UMAD1: variants seen among roughly 807,000 people sequenced by gnomAD.
UMAD1 encodes the protein UBAP1-MVB12-associated (UMA)-domain containing protein 1.
UMAD1 carries 8 observed loss-of-function variants against 6.1 expected under a neutral mutation model. The observed-to-expected ratio is 1.30, with a 90% CI of 0.76 to 2.35. UMAD1 has a LOEUF of 2.35. Among genes scored for constraint, UMAD1 ranks in the 30% most tolerant of loss-of-function variants. The pLI is 0.00. For synonymous variants in UMAD1, 56 were observed against 31.4 expected, an observed-to-expected ratio of 1.78 and a Z score of -2.61; for missense variants, 130 against 78.4, an observed-to-expected ratio of 1.66 and a Z score of -2.49.
intron 2 of UMAD1, among the ~76,000 whole-genome samples, chr7:7,729,622 C>G (rs929621963): frequency 2.6e-5 from 4 of 152,114 alleles, no homozygotes; most frequent in Non-Finnish European, 5.9e-5. Flanking sequence ...TTCATAGAGC[C>G]CTTTGACTTG....
At position 7,877,558 on chromosome 7, in the gene UMAD1, C is replaced by G. The variant is rs1421362515; in HGVS notation, c.*20C>G. ...TCATAACCTTTATGTCTGTTTGCAC[C>G]TTAACAGCTTTAAAATATGTTCGCC... On this transcript the variant is annotated 3_prime_UTR_variant, in exon 4 of 4. Transcript: ENST00000682710. The G allele has an allele frequency of 1.5e-5, 11 of 713,478 alleles. No homozygotes were observed. The highest frequency in any genetic ancestry group is 2.9e-5 in the Non-Finnish European group (11 of 383,098). The allele number at this position is 713,478 out of a possible 1,614,324, so 44.2% of individuals were successfully genotyped here. A position where few individuals can be genotyped will look rare whatever the true frequency, so the allele number is the denominator to read the frequency against.
At chr7:7,862,446 T>G (rs1784132952) in intron 3 of UMAD1, among the ~76,000 whole-genome samples, 1 of 152,180 alleles carries the variant, frequency 6.6e-6, no homozygotes, top group South Asian at 2.1e-4. Context: ...TGCATTACAT[T>G]CTGAAGAAGT....
At chr7:7,756,105 G>T (rs1178601903) in intron 2 of UMAD1, among the ~76,000 whole-genome samples, 1 of 152,190 alleles carries the variant, frequency 6.6e-6, no homozygotes, top group Non-Finnish European at 1.5e-5. Flanking sequence ...AGTGATATCA[G>T]AGTAAATGCT....
At chr7:7,721,517 T>C (rs1781049269) in intron 2 of UMAD1, among the ~76,000 whole-genome samples, 1 of 152,180 alleles carries the variant, frequency 6.6e-6, no homozygotes, top group Admixed American at 6.5e-5. Context: ...TTTGAATAAG[T>C]AGTAAATGGT....
chr7:7,651,416 C>G (rs28916279), intron 1 of UMAD1, among the ~76,000 whole-genome samples: 2,940 of 152,302 alleles, frequency 0.019, 29 homozygotes, highest in Non-Finnish European at 0.028. Flanking sequence ...ACAGGAATGC[C>G]TGTTCCCATT....
At chr7:7,669,201 A>C (rs1403028120) in intron 1 of UMAD1, among the ~76,000 whole-genome samples, 1 of 152,104 alleles carries the variant, frequency 6.6e-6, no homozygotes, top group African/African-American at 2.4e-5. Context: ...TCAGGTGTCT[A>C]CTTGGGATCT....
At position 7,677,193 on chromosome 7, in the gene UMAD1, A is replaced by G. The variant is rs182162584; in HGVS notation, c.82+3740A>G. Among the ~76,000 whole-genome samples the G allele has an allele frequency of 1.3e-4, 20 of 152,290 alleles. No individual in the cohort carries two copies. In the East Asian group the frequency reaches 2.9e-3, roughly 22 times the overall value. On this transcript the variant is annotated intron_variant, in intron 2 of 3. Transcript: ENST00000682710. ...CACAGGCATATAATGTGTAGTGATC[A>G]AATCAGGGTAATTAGGATATCTATC...
At chr7:7,645,713 A>ATT (rs1785078793) in intron 1 of UMAD1, among the ~76,000 whole-genome samples, 1 of 151,652 alleles carries the variant, frequency 6.6e-6, no homozygotes, top group Non-Finnish European at 1.5e-5. Context: ...ATGAGTATGT[A>ATT]TTTTTCAGTG....
intron 2 of UMAD1, among the ~76,000 whole-genome samples, chr7:7,680,901 A>AT (rs1261090011): frequency 6.6e-6 from 1 of 152,108 alleles, no homozygotes; most frequent in Non-Finnish European, 1.5e-5. Flanking sequence ...TGTATGCCGT[A>AT]ACCTTACTGA....
At chr7:7,784,856 G>A (rs1433129001) in intron 2 of UMAD1, among the ~76,000 whole-genome samples, 2 of 148,526 alleles carry the variant, frequency 1.3e-5, no homozygotes, top group Non-Finnish European at 1.5e-5. Flanking sequence ...CCGCCCCCTG[G>A]GGTTCACGCC....
chr7:7,676,785 A>G (rs1206477513), intron 2 of UMAD1, among the ~76,000 whole-genome samples: 1 of 152,178 alleles, frequency 6.6e-6, no homozygotes, highest in Non-Finnish European at 1.5e-5. Flanking sequence ...TAGTGAAAAC[A>G]TCCTTCAGTG....
At chr7:7,778,261 T>TGA (rs1486390257) in intron 2 of UMAD1, among the ~76,000 whole-genome samples, 40 of 140,710 alleles carry the variant, frequency 2.8e-4, no homozygotes, top group African/African-American at 9.7e-4. Context: ...TGTGTGTGTG[T>TGA]GTGTGTGTGT....
At chr7:7,747,052 T>C (rs1285418573) in intron 2 of UMAD1, among the ~76,000 whole-genome samples, 1 of 152,164 alleles carries the variant, frequency 6.6e-6, no homozygotes, top group African/African-American at 2.4e-5. Flanking sequence ...GCACTTCATA[T>C]ATCTAATTAG....
At chr7:7,674,162 G>T (rs930199657) in intron 2 of UMAD1, among the ~76,000 whole-genome samples, 2 of 152,130 alleles carry the variant, frequency 1.3e-5, no homozygotes, top group Non-Finnish European at 2.9e-5. Context: ...CCTTTTCCAT[G>T]CTGGACCTCC....
intron 3 of UMAD1, among the ~76,000 whole-genome samples, chr7:7,813,600 A>AT: frequency 4.4e-5 from 2 of 45,344 alleles, no homozygotes; most frequent in Middle Eastern, 0.043. Flanking sequence ...TACCATTTAC[A>AT]TTAAAAAAAA....
intron 3 of UMAD1, among the ~76,000 whole-genome samples, chr7:7,859,721 A>G (rs935701967): frequency 2.6e-5 from 4 of 152,206 alleles, no homozygotes; most frequent in Non-Finnish European, 5.9e-5. Context: ...ATTAATTTTC[A>G]ACTTGACGTA....
chr7:7,676,192 C>T (rs189438411), intron 2 of UMAD1: 6 of 398,676 alleles, frequency 1.5e-5, no homozygotes, highest in East Asian at 3.6e-5. Context: ...CCACGACTTA[C>T]TCTCTACCCT....
intron 3 of UMAD1, among the ~76,000 whole-genome samples, chr7:7,851,682 C>A (rs1783920950): frequency 6.6e-6 from 1 of 152,088 alleles, no homozygotes; most frequent in Admixed American, 6.5e-5. Flanking sequence ...TTTTGTATAT[C>A]TGCTTTGGAG....
chr7:7,717,214 G>A (rs1189093515), intron 2 of UMAD1, among the ~76,000 whole-genome samples: 1 of 151,838 alleles, frequency 6.6e-6, no homozygotes, highest in African/African-American at 2.4e-5. Flanking sequence ...GCGCCACCAC[G>A]CCCAGCTAAT....
Sources: allele counts gnomAD v4.1 joint callset (sites outside exome capture counted in the v4.1 genomes callset), GRCh38; gene constraint gnomAD v4.1.1; transcripts MANE v1.5; gene names NCBI Gene and HGNC (gene_info 2026-07-23, HGNC 2026-07-21).